DIAPH3: variants seen among roughly 807,000 people sequenced by gnomAD.
DIAPH3 encodes diaphanous related formin 3, also known as protein diaphanous homolog 3.
Under a neutral mutation model 144.3 loss-of-function variants are expected in DIAPH3, and 117 were observed. The observed-to-expected ratio is 0.81, with a 90% CI of 0.70 to 0.95. The LOEUF (loss-of-function observed/expected upper bound fraction) is 0.95, where lower values mean the gene tolerates loss of function less well. Among genes scored for constraint, DIAPH3 ranks in the 40% least tolerant of loss-of-function variants. The probability of loss-of-function intolerance (pLI) is 0.00; values close to 1 mark genes in which losing one functional copy is unlikely to be tolerated. For synonymous variants in DIAPH3, 519 were observed against 488.9 expected (o/e 1.06, Z -0.81); for missense variants, 1,421 against 1,412.7 (o/e 1.01, Z -0.09).
At chr13:60,137,363 A>T (rs1415814422) in intron 1 of DIAPH3, among the ~76,000 whole-genome samples, 3 of 152,232 alleles carry the variant, frequency 2.0e-5, no homozygotes, top group Non-Finnish European at 2.9e-5. Flanking sequence ...GAGCTTTCAG[A>T]GAACTGTGCT....
chr13:60,028,021 T>C (rs1318615919), intron 5 of DIAPH3, among the ~76,000 whole-genome samples: 1 of 152,156 alleles, frequency 6.6e-6, no homozygotes, highest in African/African-American at 2.4e-5. Context: ...TACTTTTGTG[T>C]GGCAATGCAC....
At chr13:59,832,033 G>T (rs760660084) in intron 24 of DIAPH3, among the ~76,000 whole-genome samples, 1 of 151,770 alleles carries the variant, frequency 6.6e-6, no homozygotes, top group Non-Finnish European at 1.5e-5. Context: ...CTCTCAGACT[G>T]CAAAGTCTTT....
At chr13:59,966,363 G>T (rs1471069201) in intron 17 of DIAPH3, among the ~76,000 whole-genome samples, 1 of 152,126 alleles carries the variant, frequency 6.6e-6, no homozygotes, top group Non-Finnish European at 1.5e-5. Context: ...GTAAATGTAG[G>T]TAGGGTTGGA....
intron 4 of DIAPH3, among the ~76,000 whole-genome samples, chr13:60,063,243 C>T (rs1439534186): frequency 1.3e-5 from 2 of 152,186 alleles, no homozygotes; most frequent in East Asian, 3.8e-4. Context: ...TAAGAAGTAA[C>T]TCCTCATTTG....
At chr13:59,867,526 A>G (rs2043998858) in intron 21 of DIAPH3, among the ~76,000 whole-genome samples, 1 of 152,156 alleles carries the variant, frequency 6.6e-6, no homozygotes, top group African/African-American at 2.4e-5. Flanking sequence ...TGAAAATTAA[A>G]ACATTAAGTG....
intron 12 of DIAPH3, among the ~76,000 whole-genome samples, chr13:59,989,231 C>T (rs905830496): frequency 1.3e-5 from 2 of 151,646 alleles, no homozygotes; most frequent in Non-Finnish European, 2.9e-5. Context: ...AAAAACAACA[C>T]TCATAGACGT....
At chr13:59,669,888 C>T (rs1302840644) in intron 27 of DIAPH3, among the ~76,000 whole-genome samples, 1 of 152,158 alleles carries the variant, frequency 6.6e-6, no homozygotes, top group Non-Finnish European at 1.5e-5. Flanking sequence ...ACCCTTTACT[C>T]TTCTGAAACA....
In DIAPH3 at chr13:59,916,197, T is replaced by C; in HGVS notation, c.2223A>G (p.Ile741Met). 1 of 1,613,324 alleles carries C rather than the reference T, an allele frequency of 6.2e-7. No individual in the cohort carries two copies. Among genetic ancestry groups the C allele is most frequent in the Non-Finnish European group, 8.5e-7 (1 of 1,179,498 alleles). ...CCAACCGTGTTTCATCTACTTCCAA[T>C]ATCATCATTCTGATTTCCTCATATG... is the stretch of plus-strand genomic sequence containing the variant. Reference protein sequence around the residue: ...RVPYEEIRMMILEVDETRLAE... With the variant: ...RVPYEEIRMMMLEVDETRLAE... The change falls in exon 19 of 28, where the codon ATA becomes ATG. Residue 741 changes from isoleucine (I) to methionine (M), a missense_variant. By Grantham distance (10) the Ile-to-Met change is conservative. Transcript: ENST00000400324.
At position 59,923,113 on chromosome 13, in the gene DIAPH3, T is replaced by C. The variant is rs1031663886; in HGVS notation, c.2170+1662A>G. ...TTGAAATCCCATGTAGAACATGTTC[T>C]GTAATACATAAATAAATAACCGTGT... On this transcript the variant is annotated intron_variant, in intron 18 of 27. Coordinates refer to ENST00000400324, the MANE Select transcript of DIAPH3 (RefSeq NM_001042517.2). 3.9e-5 allele frequency among the ~76,000 whole-genome samples: 6 copies of C among 152,114 alleles called. 1 individual carries two copies. The highest frequency in any genetic ancestry group is 4.4e-5 in the Non-Finnish European group (3 of 67,992).
At chr13:59,749,364 CA>C (rs1201888433) in intron 27 of DIAPH3, among the ~76,000 whole-genome samples, 1 of 147,674 alleles carries the variant, frequency 6.8e-6, no homozygotes, top group African/African-American at 2.5e-5. Context: ...ACTAAAAATA[CA>C]AAAAATTAGC....
intron 4 of DIAPH3, among the ~76,000 whole-genome samples, chr13:60,053,450 A>G (rs2141256988): frequency 6.6e-6 from 1 of 152,294 alleles, no homozygotes; most frequent in South Asian, 2.1e-4. Context: ...TGCAGCATAG[A>G]AAGAAAAGTA....
At chr13:59,911,627 A>T in intron 20 of DIAPH3, 108 bp downstream of exon 20, 2 of 813,920 alleles carry the variant, frequency 2.5e-6, no homozygotes, top group South Asian at 2.9e-5. Context: ...TGGATATTAA[A>T]TGTATGTGAT....
chr13:59,873,088 A>C (rs2044376701), intron 21 of DIAPH3, among the ~76,000 whole-genome samples: 1 of 152,226 alleles, frequency 6.6e-6, no homozygotes, highest in African/African-American at 2.4e-5. Flanking sequence ...GAATGAGTCA[A>C]AGGGGGTTAA....
intron 17 of DIAPH3, among the ~76,000 whole-genome samples, chr13:59,960,666 GAATT>G (rs1319110159): frequency 2.0e-5 from 3 of 151,020 alleles, no homozygotes; most frequent in Non-Finnish European, 4.4e-5. Context: ...CAAAAATAAT[GAATT>G]ATTAGCAAAA....
chr13:60,024,565 ATTC>A (rs149465333), intron 5 of DIAPH3, among the ~76,000 whole-genome samples: 3,557 of 152,234 alleles, frequency 0.023, 137 homozygotes, highest in African/African-American at 0.082. Context: ...TTTTTAAAAG[ATTC>A]TTGTCAGATA....
rs1428630173 is a variant in DIAPH3 at position 59,857,295 on chromosome 13, A to G, written c.2737+4112T>C. Among the ~76,000 whole-genome samples, 4 of 152,180 alleles carry G rather than the reference A, an allele frequency of 2.6e-5. No individual in the cohort carries two copies. The East Asian group carries it at 7.7e-4, about 29-fold the overall frequency. ...TGCTCACAGTAGGTGAATAAAAGATAAACATTTGGTATTTAGTAAGACATT... is the reference window on the plus strand; with the variant it reads ...TGCTCACAGTAGGTGAATAAAAGATGAACATTTGGTATTTAGTAAGACATT... On this transcript the variant is annotated intron_variant, in intron 22 of 27. Transcript: ENST00000400324.
chr13:60,084,387 T>C (rs1370993890), intron 4 of DIAPH3, among the ~76,000 whole-genome samples: 1 of 152,058 alleles, frequency 6.6e-6, no homozygotes, highest in South Asian at 2.1e-4. Flanking sequence ...AGCTATGGCA[T>C]TAATGTGGGA....
At chr13:59,987,332 G>A (rs1442854942) in intron 12 of DIAPH3, among the ~76,000 whole-genome samples, 2 of 151,592 alleles carry the variant, frequency 1.3e-5, no homozygotes, top group Non-Finnish European at 1.5e-5. Context: ...TGGTGGGGTG[G>A]GGGGAGTGGG....
At chr13:60,086,109 C>T (rs1566754387) in intron 4 of DIAPH3, among the ~76,000 whole-genome samples, 1 of 152,032 alleles carries the variant, frequency 6.6e-6, no homozygotes, top group African/African-American at 2.4e-5. Flanking sequence ...ACTACCTATA[C>T]GATTTTTAAA....
Sources: gnomAD v4.1 joint callset for allele counts (sites outside exome capture counted in the v4.1 genomes callset) on GRCh38, gnomAD v4.1.1 for gene constraint, MANE v1.5 for transcripts, NCBI Gene and HGNC (gene_info 2026-07-23, HGNC 2026-07-21) for gene names.